Variants in FAM43A observed in about 807,000 individuals in gnomAD.
FAM43A encodes protein FAM43A.
FAM43A carries 11 observed loss-of-function variants against 15.7 expected under a neutral mutation model. The observed-to-expected ratio is 0.70, with a 90% CI of 0.44 to 1.16. The LOEUF (loss-of-function observed/expected upper bound fraction) is 1.16. Ranked by LOEUF, FAM43A falls within the 50% of genes most tolerant of loss-of-function variation. The probability of loss-of-function intolerance (pLI) is 0.00; values close to 1 mark genes in which losing one functional copy is unlikely to be tolerated. For synonymous variants in FAM43A, 319 were observed against 291.7 expected (o/e 1.09, Z -0.96); for missense variants, 573 against 620.0 (o/e 0.92, Z 0.80).
Position 194,688,634 on chromosome 3 carries a change from G to A in FAM43A, c.*536G>A, listed in dbSNP as rs1026844801. ...ATTCTGGCTGTTTACCTCAGACTCA[G>A]ACCCCTGAAATGTTGCCAAATTCTT... On this transcript the variant is annotated 3_prime_UTR_variant, in exon 1 of 1. Coordinates refer to ENST00000329759, the MANE Select transcript of FAM43A (RefSeq NM_153690.5). The A allele has an allele frequency of 3.0e-5, 5 of 166,650 alleles. No homozygotes were observed. The highest frequency in any genetic ancestry group is 1.2e-4 in the African/African-American group (5 of 41,326). 10.3% of individuals were successfully genotyped at this position (166,650 alleles called of 1,614,324 possible).
Position 194,687,202 on chromosome 3 carries a change from C to G in FAM43A, c.376C>G (p.Arg126Gly), listed in dbSNP as rs561543874. The G allele has an allele frequency of 1.1e-5, 17 of 1,605,934 alleles. 1 individual carries two copies. In the South Asian group the frequency reaches 1.6e-4, roughly 16 times the overall value. Residue 126 changes from arginine to glycine, a missense_variant, in exon 1 of 1, where the codon CGC (arginine) becomes GGC (glycine). Transcript: ENST00000329759. Reference sequence around the variant, plus strand: ...TATCCGCATGGTGCACGCCGAGGAGCGCGCGCTGCGCCGCCCGGGCCACCT... The same window carrying G: ...TATCCGCATGGTGCACGCCGAGGAGGGCGCGCTGCGCCGCCCGGGCCACCT... ...QGIRMVHAEE[R>G]ALRRPGHLYL...
Position 194,688,384 on chromosome 3 carries a change from G to A in FAM43A, c.*286G>A. The A allele has an allele frequency of 2.9e-6, 1 of 342,998 alleles. No homozygotes were observed. Among genetic ancestry groups the A allele is most frequent in the Non-Finnish European group, 5.5e-6 (1 of 182,992 alleles). 21.2% of individuals were successfully genotyped at this position (342,998 alleles called of 1,614,324 possible). On this transcript the variant is annotated 3_prime_UTR_variant, in exon 1 of 1. Transcript: ENST00000329759. ...GGCACCCCTCTGGGATGCGGGTGAGGGAAGGTTGGCTGAAGTTCCTAGTCT... is the reference window on the plus strand; with the variant it reads ...GGCACCCCTCTGGGATGCGGGTGAGAGAAGGTTGGCTGAAGTTCCTAGTCT...
At position 194,687,888 on chromosome 3, in the gene FAM43A, G is replaced by C. The variant is rs1300634402; in HGVS notation, c.1062G>C (p.Ser354=). Residue 354 remains serine, a synonymous_variant, in exon 1 of 1, where the codon TCG becomes TCC. Transcript: ENST00000329759. ...CCTCCGACATGAAGGCTGAGCTGTC[G>C]CAACTTATTAGCGACCTGGGCGAGC... is the stretch of plus-strand genomic sequence containing the variant. ...GSASDMKAEL[S]QLISDLGELS... The C allele has an allele frequency of 2.0e-6, 3 of 1,471,354 alleles. No homozygotes were observed. Among genetic ancestry groups the C allele is most frequent in the Non-Finnish European group, 2.7e-6 (3 of 1,111,706 alleles). The allele number at this position is 1,471,354 out of a possible 1,614,324, so 91.1% of individuals were successfully genotyped here. A position where few individuals can be genotyped will look rare whatever the true frequency, so the allele number is the denominator to read the frequency against.
rs772317861 is a variant in FAM43A, at chr3:194,686,872, C to T, written c.46C>T (p.Pro16Ser). ...KHKFELLAEA[P>S]PRQASKPKGY... is the part of the protein sequence containing the mutation. Reference sequence around the variant, plus strand: ...CAAGTTCGAGCTGCTGGCCGAGGCGCCGCCGCGGCAGGCGTCCAAGCCCAA... The same window carrying T: ...CAAGTTCGAGCTGCTGGCCGAGGCGTCGCCGCGGCAGGCGTCCAAGCCCAA... Residue 16 changes from proline (P) to serine (S), a missense_variant, in exon 1 of 1, where the codon CCG (proline) becomes TCG (serine). By Grantham distance (74) the Pro-to-Ser change is moderately conservative. Coordinates refer to ENST00000329759, the MANE Select transcript of FAM43A (RefSeq NM_153690.5). The T allele has an allele frequency of 8.7e-6, 14 of 1,600,164 alleles. 1 individual carries two copies. In the South Asian group the frequency reaches 1.6e-4, roughly 18 times the overall value.
In FAM43A at chr3:194,687,131, C is replaced by T; in HGVS notation, c.305C>T (p.Ala102Val). The T allele has an allele frequency of 6.2e-7, 1 of 1,613,126 alleles. No homozygotes were observed. Among genetic ancestry groups the T allele is most frequent in the East Asian group, 2.2e-5 (1 of 44,872 alleles). ...AVGKIWSKSE[A>V]GRQGTKMKLT... ...GGCAAGATCTGGAGCAAGAGCGAGGCGGGCCGTCAGGGCACCAAGATGAAG... is the reference window on the plus strand; with the variant it reads ...GGCAAGATCTGGAGCAAGAGCGAGGTGGGCCGTCAGGGCACCAAGATGAAG... Residue 102 changes from alanine to valine, a missense_variant, in exon 1 of 1, where the codon GCG (alanine) becomes GTG (valine). Transcript: ENST00000329759.
chr3:194,688,118 G>C lies in FAM43A; in HGVS notation c.*20G>C, dbSNP rs983910453. On this transcript the variant is annotated 3_prime_UTR_variant, in exon 1 of 1. Coordinates refer to ENST00000329759, the MANE Select transcript of FAM43A (RefSeq NM_153690.5). ...GGCTGAGCTCCTCCGCGCGTCGCCG[G>C]CGCTCCACCGTGGCTACCCATCCGT... 11 of 1,322,516 alleles carry C rather than the reference G, an allele frequency of 8.3e-6. No homozygotes were observed. Among genetic ancestry groups the C allele is most frequent in the Non-Finnish European group, 3.9e-6 (4 of 1,030,292 alleles). 81.9% of individuals were successfully genotyped at this position (1,322,516 alleles called of 1,614,324 possible). A position where few individuals can be genotyped will look rare whatever the true frequency, so the allele number is the denominator to read the frequency against.
In FAM43A at chr3:194,688,744, G is replaced by A. The variant is rs1040719989; in HGVS notation, c.*646G>A. On this transcript the variant is annotated 3_prime_UTR_variant, in exon 1 of 1. Transcript: ENST00000329759. Reference sequence around the variant, plus strand: ...AAGACATCCAATATCTTAAAAAGGAGTTTTCCTTTAGAAACACACACACCC... The same window carrying A: ...AAGACATCCAATATCTTAAAAAGGAATTTTCCTTTAGAAACACACACACCC... 2 of 166,978 alleles carry A rather than the reference G, an allele frequency of 1.2e-5. No individual in the cohort carries two copies. Among genetic ancestry groups the A allele is most frequent in the Non-Finnish European group, 2.9e-5 (2 of 68,126 alleles). 10.3% of individuals were successfully genotyped at this position (166,978 alleles called of 1,614,324 possible). A position where few individuals can be genotyped will look rare whatever the true frequency, so the allele number is the denominator to read the frequency against.
In FAM43A at chr3:194,687,399, G is replaced by A. The variant is rs1168755477; in HGVS notation, c.573G>A (p.Thr191=). Residue 191 remains threonine, a synonymous_variant, in exon 1 of 1, where the codon ACG becomes ACA. Coordinates refer to ENST00000329759, the MANE Select transcript of FAM43A (RefSeq NM_153690.5). ...CCATGGCCCTGCTGCTCTACCAGAC[G>A]TCGGCCAACGCGCTGGCGGAATTTA... ...AQAMALLLYQ[T]SANALAEFKR... is the part of the protein sequence containing the mutation. The A allele has an allele frequency of 6.5e-7, 1 of 1,534,460 alleles. No individual in the cohort carries two copies. Among genetic ancestry groups the A allele is most frequent in the African/African-American group, 1.4e-5 (1 of 72,968 alleles).
Position 194,687,196 on chromosome 3 carries a change from G to T in FAM43A, c.370G>T (p.Glu124Ter). The part of the protein sequence containing the change: ...SAQGIRMVHA[E>*]ERALRRPGHL... ...GCAGGGTATCCGCATGGTGCACGCC[G>T]AGGAGCGCGCGCTGCGCCGCCCGGG... The change falls in exon 1 of 1, where the codon GAG (glutamate) becomes TAG (stop). Residue 124 changes from glutamate to a stop codon, truncating the protein, a stop_gained. Coordinates refer to ENST00000329759, the MANE Select transcript of FAM43A (RefSeq NM_153690.5). LOFTEE classifies it high-confidence loss of function. The T allele has an allele frequency of 1.9e-6, 3 of 1,607,260 alleles. No homozygotes were observed. The highest frequency in any genetic ancestry group is 2.5e-6 in the Non-Finnish European group (3 of 1,179,492).
chr3:194,687,888 G>A lies in FAM43A; in HGVS notation c.1062G>A (p.Ser354=). ...GSASDMKAEL[S]QLISDLGELS... ...CCTCCGACATGAAGGCTGAGCTGTCGCAACTTATTAGCGACCTGGGCGAGC... is the reference window on the plus strand; with the variant it reads ...CCTCCGACATGAAGGCTGAGCTGTCACAACTTATTAGCGACCTGGGCGAGC... The change falls in exon 1 of 1, where the codon TCG becomes TCA. Residue 354 remains serine (S), a synonymous_variant. Coordinates refer to ENST00000329759, the MANE Select transcript of FAM43A (RefSeq NM_153690.5). 3.4e-6 allele frequency: 5 copies of A among 1,471,472 alleles called. No homozygotes were observed. The highest frequency in any genetic ancestry group is 2.9e-5 in the South Asian group (2 of 68,352). 91.2% of individuals were successfully genotyped at this position (1,471,472 alleles called of 1,614,324 possible).
chr3:194,688,745 T>C lies in FAM43A; in HGVS notation c.*647T>C, dbSNP rs1412476505. 6.0e-6 allele frequency: 1 copy of C among 166,372 alleles called. No homozygotes were observed. 10.3% of individuals were successfully genotyped at this position (166,372 alleles called of 1,614,324 possible). ...AGACATCCAATATCTTAAAAAGGAG[T>C]TTTCCTTTAGAAACACACACACCCT... On this transcript the variant is annotated 3_prime_UTR_variant, in exon 1 of 1. Coordinates refer to ENST00000329759, the MANE Select transcript of FAM43A (RefSeq NM_153690.5).
rs1267012061 is a variant in FAM43A, at chr3:194,688,908, CAT to C, written c.*811_*812del. The C allele has an allele frequency of 2.4e-5, 4 of 166,732 alleles. No individual in the cohort carries two copies. The highest frequency in any genetic ancestry group is 4.4e-5 in the Non-Finnish European group (3 of 68,122). The allele number at this position is 166,732 out of a possible 1,614,324, so 10.3% of individuals were successfully genotyped here. On this transcript the variant is annotated 3_prime_UTR_variant, in exon 1 of 1. Coordinates refer to ENST00000329759, the MANE Select transcript of FAM43A (RefSeq NM_153690.5). The stretch of plus-strand genomic sequence containing the variant: ...TATATCTTTTGCTGTGCAAAAGAAA[CAT>C]GTAAAATGTTGTTCAGTTGTATATA...
rs1427077436 is a variant in FAM43A, at chr3:194,686,902, T to C, written c.76T>C (p.Tyr26His). 3 of 1,609,978 alleles carry C rather than the reference T, an allele frequency of 1.9e-6. No homozygotes were observed. Among genetic ancestry groups the C allele is most frequent in the South Asian group, 1.1e-5 (1 of 90,806 alleles). The stretch of plus-strand genomic sequence containing the variant: ...GCGGCAGGCGTCCAAGCCCAAGGGC[T>C]ACGCTGTGAGCCTGCACTACTCGGC... ...PPRQASKPKG[Y>H]AVSLHYSALS... The change falls in exon 1 of 1, where the codon TAC becomes CAC. Residue 26 changes from tyrosine (Y) to histidine (H), a missense_variant. By Grantham distance (83) the Tyr-to-His change is moderately conservative. Coordinates refer to ENST00000329759, the MANE Select transcript of FAM43A (RefSeq NM_153690.5).
In FAM43A at chr3:194,688,641, G is replaced by C. The variant is rs1419850439; in HGVS notation, c.*543G>C. ...CTGTTTACCTCAGACTCAGACCCCT[G>C]AAATGTTGCCAAATTCTTCAAATAA... On this transcript the variant is annotated 3_prime_UTR_variant, in exon 1 of 1. Transcript: ENST00000329759. 1 of 166,842 alleles carries C rather than the reference G, an allele frequency of 6.0e-6. No homozygotes were observed. Among genetic ancestry groups the C allele is most frequent in the African/African-American group, 2.4e-5 (1 of 41,334 alleles). 10.3% of individuals were successfully genotyped at this position (166,842 alleles called of 1,614,324 possible). A position where few individuals can be genotyped will look rare whatever the true frequency, so the allele number is the denominator to read the frequency against.
chr3:194,687,978 C>A lies in FAM43A; in HGVS notation c.1152C>A (p.Gly384=), dbSNP rs1036362849. The A allele has an allele frequency of 7.0e-7, 1 of 1,426,518 alleles. No individual in the cohort carries two copies. Among genetic ancestry groups the A allele is most frequent in the Non-Finnish European group, 9.2e-7 (1 of 1,089,744 alleles). 88.4% of individuals were successfully genotyped at this position (1,426,518 alleles called of 1,614,324 possible). A position where few individuals can be genotyped will look rare whatever the true frequency, so the allele number is the denominator to read the frequency against. The change falls in exon 1 of 1, where the codon GGC becomes GGA. Residue 384 remains glycine (G), a synonymous_variant. Coordinates refer to ENST00000329759, the MANE Select transcript of FAM43A (RefSeq NM_153690.5). ...TGCGGGTGACGCGCCTGCTGTCAGG[C>A]GACAGCACGGGCAGCGAGAGCTCCA... ...ADLRVTRLLS[G]DSTGSESSIE... is the part of the protein sequence containing the mutation.
In FAM43A at chr3:194,686,964, G is replaced by T. The variant is rs770380945; in HGVS notation, c.138G>T (p.Ala46=). Residue 46 remains alanine, a synonymous_variant, in exon 1 of 1, where the codon GCG becomes GCT. Transcript: ENST00000329759. ...SSLARACPEG[A]LSRVGSMFRS... is the part of the protein sequence containing the mutation. ...TGGCGCGGGCGTGCCCCGAAGGCGC[G>T]CTTAGCCGGGTGGGCAGCATGTTCC... 7 of 1,610,478 alleles carry T rather than the reference G, an allele frequency of 4.3e-6. No homozygotes were observed. The highest frequency in any genetic ancestry group is 5.9e-6 in the Non-Finnish European group (7 of 1,177,948).
rs959514076 is a variant in FAM43A at position 194,688,693 on chromosome 3, AG to A, written c.*596del. 6.0e-6 allele frequency: 1 copy of A among 167,144 alleles called. No homozygotes were observed. The highest frequency in any genetic ancestry group is 1.5e-5 in the Non-Finnish European group (1 of 68,276). 10.4% of individuals were successfully genotyped at this position (167,144 alleles called of 1,614,324 possible). On this transcript the variant is annotated 3_prime_UTR_variant, in exon 1 of 1. Coordinates refer to ENST00000329759, the MANE Select transcript of FAM43A (RefSeq NM_153690.5). ...TGTTTGGGGGGTGGGGGGAGATGAA[AG>A]AGAGTCGCGTTTTGTTTACAGTTAA...
rs1719410268 is a variant in FAM43A, at chr3:194,686,092, G to A, written c.-735G>A. On this transcript the variant is annotated 5_prime_UTR_variant, in exon 1 of 1. The change abolishes the stop of an existing upstream ORF in the 5' untranslated region. Coordinates refer to ENST00000329759, the MANE Select transcript of FAM43A (RefSeq NM_153690.5). ...TCTCGGCCAGGCCAGCCCGGACACT[G>A]AGCGGGCCGAGCGCGAGTCCCCGGC... is the stretch of plus-strand genomic sequence containing the variant. 6.6e-6 allele frequency among the ~76,000 whole-genome samples: 1 copy of A among 152,224 alleles called. No homozygotes were observed. Among genetic ancestry groups the A allele is most frequent in the Non-Finnish European group, 1.5e-5 (1 of 68,032 alleles).
rs773771099 is a variant in FAM43A, at chr3:194,687,063, C to T, written c.237C>T (p.Thr79=). ...TYTVLYLGNA[T]TIQARGDGCT... is the part of the protein sequence containing the mutation. ...CCGTGCTCTACCTGGGCAATGCCAC[C>T]ACCATCCAGGCGCGCGGCGACGGCT... The change falls in exon 1 of 1, where the codon ACC becomes ACT. Residue 79 remains threonine (T), a synonymous_variant. Transcript: ENST00000329759. 4.3e-6 allele frequency: 7 copies of T among 1,613,460 alleles called. No homozygotes were observed. The Admixed American group carries it at 1.0e-4, about 23-fold the overall frequency.
Sources: allele counts gnomAD v4.1 joint callset (sites outside exome capture counted in the v4.1 genomes callset), GRCh38; gene constraint gnomAD v4.1.1; transcripts MANE v1.5; gene names NCBI Gene and HGNC (gene_info 2026-07-23, HGNC 2026-07-21).